The following VCAN variants were observed in gnomAD, a reference collection of about 807,000 sequenced individuals.
The protein encoded by VCAN is versican, also known as versican core protein.
In VCAN, 44 loss-of-function variants were observed where a neutral mutation model predicts 245.5. The ratio of observed to expected loss-of-function variants is 0.18; its 90% CI spans 0.14 to 0.23. VCAN has a LOEUF of 0.23. Among genes scored for constraint, VCAN ranks in the 10% least tolerant of loss-of-function variants. The probability of loss-of-function intolerance (pLI) is 1.00; values close to 1 mark genes in which losing one functional copy is unlikely to be tolerated. For synonymous variants in VCAN, 1,413 were observed against 1,437.0 expected, an observed-to-expected ratio of 0.98 and a Z score of 0.38; for missense variants, 3,793 against 4,057.9, an observed-to-expected ratio of 0.93 and a Z score of 1.77.
At chr5:83,579,581 A>G (rs908319092) in intron 13 of VCAN, among the ~76,000 whole-genome samples, 5 of 152,092 alleles carry the variant, frequency 3.3e-5, no homozygotes, top group African/African-American at 9.7e-5. Flanking sequence ...GTACGTTTTT[A>G]TAAGGAGGTA....
rs763154845 is a variant in VCAN at position 83,519,792 on chromosome 5, G to A, written c.1486G>A (p.Gly496Ser). 6.8e-6 allele frequency: 11 copies of A among 1,613,932 alleles called. No individual in the cohort carries two copies. The highest frequency in any genetic ancestry group is 9.3e-6 in the Non-Finnish European group (11 of 1,179,986). Residue 496 changes from glycine (G) to serine (S), a missense_variant, in exon 7 of 15, where the codon GGT (glycine) becomes AGT (serine). Physicochemically the swap from Gly to Ser is moderately conservative, Grantham distance 56. Around this residue, in one of 5 missense-constraint regions of VCAN, gnomAD observed 3,182 missense variants for 3,250.3 expected, o/e 0.98. Transcript: ENST00000265077. ...TACACAGATTGAACAAATAGAAGTGGGTCCTTTGGTAACATCTATGGAAAT... is the reference window on the plus strand; with the variant it reads ...TACACAGATTGAACAAATAGAAGTGAGTCCTTTGGTAACATCTATGGAAAT... ...SVTQIEQIEV[G>S]PLVTSMEILK...
At chr5:83,486,063 G>T (rs1162333424) in intron 2 of VCAN, among the ~76,000 whole-genome samples, 1 of 152,088 alleles carries the variant, frequency 6.6e-6, no homozygotes, top group African/African-American at 2.4e-5. Flanking sequence ...ATCACAGGGG[G>T]TCGAGGCTGC....
chr5:83,573,476 A>G (rs1210325083), intron 13 of VCAN, among the ~76,000 whole-genome samples: 1 of 152,122 alleles, frequency 6.6e-6, no homozygotes, highest in Non-Finnish European at 1.5e-5. Flanking sequence ...GAAAGACACA[A>G]TCCCAAATGC....
chr5:83,551,635 T>A (rs1747475272), intron 10 of VCAN, among the ~76,000 whole-genome samples: 1 of 152,190 alleles, frequency 6.6e-6, no homozygotes, highest in African/African-American at 2.4e-5. Context: ...GGGGTTAAGA[T>A]CCTCCATAAT....
chr5:83,561,783 A>G (rs1380495754), intron 12 of VCAN, among the ~76,000 whole-genome samples: 1 of 152,208 alleles, frequency 6.6e-6, no homozygotes, highest in African/African-American at 2.4e-5. Flanking sequence ...ATCACGGACC[A>G]TAAACCATTA....
intron 6 of VCAN, chr5:83,512,733 C>A: frequency 5.1e-6 from 1 of 194,224 alleles, no homozygotes; most frequent in Non-Finnish European, 1.1e-5. Flanking sequence ...TGTTACAATG[C>A]CAAGGCCAAC....
intron 12 of VCAN, among the ~76,000 whole-genome samples, chr5:83,555,870 A>G (rs1747648978): frequency 1.3e-5 from 2 of 152,224 alleles, no homozygotes; most frequent in Non-Finnish European, 1.5e-5. Flanking sequence ...CCACTGGGCT[A>G]GATAGTAAGT....
intron 10 of VCAN, among the ~76,000 whole-genome samples, chr5:83,549,207 A>C (rs1747359738): frequency 6.6e-6 from 1 of 152,242 alleles, no homozygotes; most frequent in African/African-American, 2.4e-5. Flanking sequence ...GCAATTCAAA[A>C]AATCGTTTTT....
chr5:83,497,560 G>A (rs1417350178), intron 5 of VCAN, among the ~76,000 whole-genome samples: 1 of 152,106 alleles, frequency 6.6e-6, no homozygotes, highest in Non-Finnish European at 1.5e-5. Context: ...TGGAAATTAT[G>A]ATGGCTTATT....
intron 12 of VCAN, among the ~76,000 whole-genome samples, chr5:83,565,075 C>G (rs1748022905): frequency 1.3e-5 from 2 of 152,018 alleles, no homozygotes; most frequent in Admixed American, 1.3e-4. Context: ...ATTTGCCGCC[C>G]CAGTTATACA....
At position 83,540,089 on chromosome 5, in the gene VCAN, T is replaced by G. The variant is rs773267329; in HGVS notation, c.7086T>G (p.Thr2362=). ...STDIGHPQNQ[T]VRWAEEIQTS... is the part of the protein sequence containing the mutation. ...ACATCGGACATCCTCAAAATCAGACTGTCAGGTGGGCAGAAGAAATCCAGA... is the reference window on the plus strand; with the variant it reads ...ACATCGGACATCCTCAAAATCAGACGGTCAGGTGGGCAGAAGAAATCCAGA... Residue 2362 remains threonine (T), a synonymous_variant, in exon 8 of 15, where the codon ACT becomes ACG. Transcript: ENST00000265077. 1 of 1,614,010 alleles carries G rather than the reference T, an allele frequency of 6.2e-7. No homozygotes were observed. The highest frequency in any genetic ancestry group is 8.5e-7 in the Non-Finnish European group (1 of 1,179,976).
intron 13 of VCAN, among the ~76,000 whole-genome samples, chr5:83,577,576 AT>A (rs1406872162): frequency 1.3e-5 from 2 of 152,132 alleles, no homozygotes; most frequent in African/African-American, 4.8e-5. Flanking sequence ...ATAAGCCTTT[AT>A]CAAATTATTT....
chr5:83,494,047 T>C, intron 5 of VCAN, 116 bp downstream of exon 5: 1 of 1,529,860 alleles, frequency 6.5e-7, no homozygotes, highest in Non-Finnish European at 9.0e-7. Flanking sequence ...CGGTGGCATT[T>C]TGTTTATACG....
intron 1 of VCAN, among the ~76,000 whole-genome samples, chr5:83,478,153 G>A (rs1744468405): frequency 6.6e-6 from 1 of 151,886 alleles, no homozygotes; most frequent in East Asian, 1.9e-4. Context: ...TGTTGGCCAT[G>A]GCAGTTGATC....
chr5:83,553,786 C>A (rs542995907), intron 11 of VCAN, among the ~76,000 whole-genome samples: 1 of 152,262 alleles, frequency 6.6e-6, no homozygotes, highest in African/African-American at 2.4e-5. Context: ...TAAGCAGTTG[C>A]TATTTGATCA....
In VCAN at chr5:83,481,275, C is replaced by T. The variant is rs1203311962; in HGVS notation, c.-6-2238C>T. 3.1e-4 allele frequency among the ~76,000 whole-genome samples: 45 copies of T among 143,788 alleles called. No individual in the cohort carries two copies. The South Asian group carries it at 6.1e-3, about 19-fold the overall frequency. 94.3% of individuals were successfully genotyped at this position (143,788 alleles called of 152,430 possible). On this transcript the variant is annotated intron_variant, in intron 1 of 14. Coordinates refer to ENST00000265077, the MANE Select transcript of VCAN (RefSeq NM_004385.5). The stretch of plus-strand genomic sequence containing the variant: ...TTTTTTTTTTTTTGAGACGGAGTCT[C>T]GCTCTGTCGCCCAGGCGCAATCTCA...
At chr5:83,561,861 C>T (rs1264069244) in intron 12 of VCAN, among the ~76,000 whole-genome samples, 2 of 152,162 alleles carry the variant, frequency 1.3e-5, no homozygotes, top group Non-Finnish European at 2.9e-5. Flanking sequence ...TCCCCTTCCT[C>T]TCCCAGATGT....
intron 9 of VCAN, among the ~76,000 whole-genome samples, chr5:83,545,891 T>C (rs1747196768): frequency 6.6e-6 from 1 of 152,194 alleles, no homozygotes; most frequent in Non-Finnish European, 1.5e-5. Context: ...TTGTGTTTTT[T>C]ACAGGTAGAA....
chr5:83,520,276 C>T lies in VCAN; in HGVS notation c.1970C>T (p.Pro657Leu). ...CATCGTACAGAAATAGAATTGTTTCCTTATTCTGGTGATAAAATATTAGTA... is the reference window on the plus strand; with the variant it reads ...CATCGTACAGAAATAGAATTGTTTCTTTATTCTGGTGATAAAATATTAGTA... ...SQHRTEIELF[P>L]YSGDKILVEG... is the part of the protein sequence containing the mutation. Residue 657 changes from proline to leucine, a missense_variant, in exon 7 of 15, where the codon CCT becomes CTT. Transcript: ENST00000265077. The T allele has an allele frequency of 6.2e-7, 1 of 1,613,910 alleles. No individual in the cohort carries two copies.
Sources: gnomAD v4.1 joint callset for allele counts (sites outside exome capture counted in the v4.1 genomes callset) on GRCh38, gnomAD v4.1.1 for gene constraint, gnomAD v4.1.1 regional missense constraint, MANE v1.5 for transcripts, NCBI Gene and HGNC (gene_info 2026-07-23, HGNC 2026-07-21) for gene names.